TGFBR1: variants seen among roughly 807,000 people sequenced by gnomAD.
The protein encoded by TGFBR1 is TGF-beta receptor type-1.
In TGFBR1, 20 loss-of-function variants were observed where a neutral mutation model predicts 55.1. The observed-to-expected ratio is 0.36, with a 90% CI of 0.26 to 0.53. The LOEUF (loss-of-function observed/expected upper bound fraction) is 0.53, where lower values mean the gene tolerates loss of function less well. Among genes scored for constraint, TGFBR1 ranks in the 20% least tolerant of loss-of-function variants. The pLI is 0.91. For synonymous variants in TGFBR1, 220 were observed against 214.8 expected (o/e 1.02, Z -0.21); for missense variants, 385 against 617.6 (o/e 0.62, Z 3.99).
intron 7 of TGFBR1, 65 bp from the exon 8 acceptor site, chr9:99,147,589 C>G (rs1007012323): frequency 7.4e-6 from 11 of 1,495,594 alleles, no homozygotes; most frequent in Non-Finnish European, 1.0e-5. Flanking sequence ...CTCAGGTGAT[C>G]TTTTAATGCC....
chr9:99,137,364 C>G lies in TGFBR1; in HGVS notation c.575-495C>G, dbSNP rs188404292. On this transcript the variant is annotated intron_variant, in intron 3 of 8. Coordinates refer to ENST00000374994, the MANE Select transcript of TGFBR1 (RefSeq NM_004612.4). Reference sequence around the variant, plus strand: ...AATTATCTTGCTTCCAGCCATGGCCCTTTTTCTCAGAAATCTTTAAAGGTT... The same window carrying G: ...AATTATCTTGCTTCCAGCCATGGCCGTTTTTCTCAGAAATCTTTAAAGGTT... Among the ~76,000 whole-genome samples the G allele has an allele frequency of 3.3e-5, 5 of 152,262 alleles. No individual in the cohort carries two copies. In the East Asian group the frequency reaches 9.6e-4, roughly 29 times the overall value.
upstream of TGFBR1, chr9:99,105,087 A>C (rs1312365780): frequency 2.7e-6 from 2 of 752,310 alleles, no homozygotes; most frequent in Non-Finnish European, 3.3e-6. Flanking sequence ...CCGAGCAGTT[A>C]CAAAGGGCCG....
At chr9:99,128,799 A>T in intron 1 of TGFBR1, 56 bp from the exon 2 acceptor site, 3 of 1,601,434 alleles carry the variant, frequency 1.9e-6, no homozygotes, top group Non-Finnish European at 2.6e-6. Flanking sequence ...TGAATATTGG[A>T]TAATTTCAAA....
At chr9:99,128,754 T>A in intron 1 of TGFBR1, 101 bp from the exon 2 acceptor site, 1 of 1,473,824 alleles carries the variant, frequency 6.8e-7, no homozygotes, top group Non-Finnish European at 9.4e-7. Flanking sequence ...GCATAGAAAT[T>A]GTGTGATAAT....
chr9:99,148,360 A>G (rs1827867719), intron 8 of TGFBR1, among the ~76,000 whole-genome samples: 1 of 152,236 alleles, frequency 6.6e-6, no homozygotes, highest in Non-Finnish European at 1.5e-5. Flanking sequence ...AAAAAGTTTT[A>G]GAAACGTTTT....
chr9:99,111,936 A>ATC (rs1250736313), intron 1 of TGFBR1, among the ~76,000 whole-genome samples: 5 of 152,164 alleles, frequency 3.3e-5, no homozygotes, highest in Non-Finnish European at 7.3e-5. Flanking sequence ...GTAGGACTTG[A>ATC]TCTCTCTGCC....
Position 99,151,397 on chromosome 9 carries a change from GT to G in TGFBR1, c.*2105del, listed in dbSNP as rs200529894. 0.016 allele frequency: 2,640 copies of G among 160,830 alleles called. 2 individuals carry two copies. Among genetic ancestry groups the G allele is most frequent in the Middle Eastern group, 0.026 (14 of 536 alleles). The allele number at this position is 160,830 out of a possible 1,614,324, so 10.0% of individuals were successfully genotyped here. On this transcript the variant is annotated 3_prime_UTR_variant, in exon 9 of 9. Transcript: ENST00000374994. ...CTTTTTTTGTGGGGGTTTTTTTTTTGTTTTTTTTTTTTTGTTGTTGTTTTTG... is the reference window on the plus strand; with the variant it reads ...CTTTTTTTGTGGGGGTTTTTTTTTTGTTTTTTTTTTTTGTTGTTGTTTTTG...
In TGFBR1 at chr9:99,153,144, AT is replaced by A; in HGVS notation, c.*3840del. On this transcript the variant is annotated 3_prime_UTR_variant, in exon 9 of 9. Coordinates refer to ENST00000374994, the MANE Select transcript of TGFBR1 (RefSeq NM_004612.4). ...TCATATGTTAAGGAGATGCTTCAAAATGTCAATTGCTTTAAACTTAAATTAC... is the reference window on the plus strand; with the variant it reads ...TCATATGTTAAGGAGATGCTTCAAAAGTCAATTGCTTTAAACTTAAATTAC... 1 of 226,322 alleles carries A rather than the reference AT, an allele frequency of 4.4e-6. No individual in the cohort carries two copies. Among genetic ancestry groups the A allele is most frequent in the Non-Finnish European group, 8.8e-6 (1 of 113,416 alleles). The allele number at this position is 226,322 out of a possible 1,614,324, so 14.0% of individuals were successfully genotyped here.
intron 1 of TGFBR1, among the ~76,000 whole-genome samples, chr9:99,121,863 G>A (rs1826907474): frequency 6.6e-6 from 1 of 152,128 alleles, no homozygotes; most frequent in Non-Finnish European, 1.5e-5. Context: ...ACTTTGCATA[G>A]ATAAGTAAGC....
chr9:99,147,646 T>A lies in TGFBR1; in HGVS notation c.1256-8T>A. 6.2e-7 allele frequency: 1 copy of A among 1,612,560 alleles called. No homozygotes were observed. Among genetic ancestry groups the A allele is most frequent in the Non-Finnish European group, 8.5e-7 (1 of 1,179,218 alleles). On this transcript the variant is annotated splice_polypyrimidine_tract_variant and splice_region_variant and intron_variant, in intron 7 of 8. Coordinates refer to ENST00000374994, the MANE Select transcript of TGFBR1 (RefSeq NM_004612.4). ...CATCAAAATTTAATTTTTTTTAAAC[T>A]GATACAGGAATTCATGAAGATTACC...
At position 99,150,133 on chromosome 9, in the gene TGFBR1, C is replaced by T. The variant is rs1827938733; in HGVS notation, c.*828C>T. On this transcript the variant is annotated 3_prime_UTR_variant, in exon 9 of 9. Transcript: ENST00000374994. ...TATTCTATTCTGAAAATGCCTTTCT[C>T]CTACCAAAATGTGCTTAAGCCACTA... The T allele has an allele frequency of 5.3e-6, 1 of 188,798 alleles. No individual in the cohort carries two copies. The allele number at this position is 188,798 out of a possible 1,614,324, so 11.7% of individuals were successfully genotyped here. A position where few individuals can be genotyped will look rare whatever the true frequency, so the allele number is the denominator to read the frequency against.
chr9:99,107,823 A>G (rs1482727770), intron 1 of TGFBR1, among the ~76,000 whole-genome samples: 2 of 151,694 alleles, frequency 1.3e-5, no homozygotes, highest in African/African-American at 4.8e-5. Context: ...TTTCTCACTG[A>G]CTCCTGACTG....
chr9:99,120,120 T>C (rs1441426460), intron 1 of TGFBR1, among the ~76,000 whole-genome samples: 1 of 152,250 alleles, frequency 6.6e-6, no homozygotes, highest in Non-Finnish European at 1.5e-5. Flanking sequence ...TAGTATGTTA[T>C]AAATTTAGGA....
At chr9:99,128,698 AAG>A in intron 1 of TGFBR1, 155 bp from the exon 2 acceptor site, 1 of 971,026 alleles carries the variant, frequency 1.0e-6, no homozygotes, top group Non-Finnish European at 1.6e-6. Flanking sequence ...TGAAACTTCT[AAG>A]AGCAACAAAT....
At chr9:99,117,912 A>T (rs1826794555) in intron 1 of TGFBR1, among the ~76,000 whole-genome samples, 2 of 152,190 alleles carry the variant, frequency 1.3e-5, no homozygotes, top group South Asian at 4.1e-4. Flanking sequence ...AGATCACTTT[A>T]TGGAATATTG....
intron 3 of TGFBR1, among the ~76,000 whole-genome samples, chr9:99,134,817 T>TC (rs1827375768): frequency 3.0e-5 from 2 of 67,210 alleles, no homozygotes; most frequent in African/African-American, 1.1e-4. Context: ...TATATATATA[T>TC]ATATATATAT....
At chr9:99,121,130 G>T (rs1427766018) in intron 1 of TGFBR1, among the ~76,000 whole-genome samples, 1 of 152,156 alleles carries the variant, frequency 6.6e-6, no homozygotes, top group African/African-American at 2.4e-5. Flanking sequence ...GAAGTAAATG[G>T]AATTTATCTG....
intron 3 of TGFBR1, among the ~76,000 whole-genome samples, chr9:99,136,627 A>G (rs1221580876): frequency 6.6e-6 from 1 of 152,194 alleles, no homozygotes; most frequent in African/African-American, 2.4e-5. Context: ...AGTTATTTAT[A>G]GTTATACTGC....
chr9:99,134,285 T>C (rs1827352063), intron 3 of TGFBR1, among the ~76,000 whole-genome samples: 1 of 152,166 alleles, frequency 6.6e-6, no homozygotes, highest in Non-Finnish European at 1.5e-5. Flanking sequence ...GCTCTCTCCT[T>C]GACTACTAGG....
Sources: allele counts gnomAD v4.1 joint callset (sites outside exome capture counted in the v4.1 genomes callset), GRCh38; gene constraint gnomAD v4.1.1; transcripts MANE v1.5; gene names NCBI Gene and HGNC (gene_info 2026-07-23, HGNC 2026-07-21).